Variants in UBE3A observed in about 807,000 individuals in gnomAD.
UBE3A encodes the protein ubiquitin-protein ligase E3A.
In UBE3A, 6 loss-of-function variants were observed where a neutral mutation model predicts 83.4. The observed-to-expected ratio is 0.07, with a 90% confidence interval of 0.04 to 0.14. The LOEUF is 0.14. Among genes scored for constraint, UBE3A ranks in the 10% least tolerant of loss-of-function variants. The pLI, the probability that UBE3A is intolerant of heterozygous loss-of-function variation, is 1.00. For missense variants in UBE3A, 456 were observed against 1,036.1 expected (o/e 0.44, Z 7.69); for synonymous variants, 337 against 355.4 (o/e 0.95, Z 0.58).
chr15:25,404,920 C>T (rs2088106408), intron 4 of UBE3A, among the ~76,000 whole-genome samples: 1 of 151,254 alleles, frequency 6.6e-6, no homozygotes, highest in African/African-American at 2.4e-5. Flanking sequence ...TTAGCATTTC[C>T]TGGCCACTCT....
At chr15:25,356,153 CAATA>C in intron 8 of UBE3A, 97 bp from the exon 9 acceptor site, 4 of 1,461,312 alleles carry the variant, frequency 2.7e-6, no homozygotes, top group Non-Finnish European at 3.8e-6. Context: ...AAAATCTTAT[CAATA>C]AAAATTGTAA....
rs587783099 is a variant in UBE3A at position 25,375,527 on chromosome 15, G to T, written c.299C>A (p.Ala100Asp). The change falls in exon 5 of 13, where the codon GCC becomes GAC. Residue 100 changes from alanine to aspartate, a missense_variant. This residue lies in a region of UBE3A where 36 missense variants were observed against 28.5 expected (regional missense o/e 1.26). Coordinates refer to ENST00000648336, the MANE Select transcript of UBE3A (RefSeq NM_130839.5). Reference sequence around the variant, plus strand: ...TATCTCAGAGCAGGAGTTGTTGGGGGCACCTTTCGAGTTCTCAAGGTAAGC... The same window carrying T: ...TATCTCAGAGCAGGAGTTGTTGGGGTCACCTTTCGAGTTCTCAAGGTAAGC... Reference protein sequence around the residue: ...SSAYLENSKGAPNNSCSEIKM... With the variant: ...SSAYLENSKGDPNNSCSEIKM... 1 of 1,614,138 alleles carries T rather than the reference G, an allele frequency of 6.2e-7. No individual in the cohort carries two copies. The highest frequency in any genetic ancestry group is 8.5e-7 in the Non-Finnish European group (1 of 1,180,016).
intron 1 of UBE3A, among the ~76,000 whole-genome samples, chr15:25,434,808 T>C (rs1894513544): frequency 6.6e-6 from 1 of 152,080 alleles, no homozygotes; most frequent in Non-Finnish European, 1.5e-5. Context: ...GCACTCCAAT[T>C]TCCTCTTGTA....
At chr15:25,391,681 G>T (rs1458131817) in intron 4 of UBE3A, 5 of 152,148 alleles carry the variant, frequency 3.3e-5, no homozygotes, top group Admixed American at 2.6e-4. Context: ...AATTGTAGCT[G>T]GAAGACAGTA....
At position 25,407,007 on chromosome 15, in the gene UBE3A, T is replaced by C. The variant is rs372173539; in HGVS notation, c.21-1505A>G. On this transcript the variant is annotated intron_variant, in intron 3 of 12. Coordinates refer to ENST00000648336, the MANE Select transcript of UBE3A (RefSeq NM_130839.5). ...GGCAGTGACTTGGCTGTGACACAAA[T>C]GCAAAAATTTCACTCCACCCTCTCC... is the stretch of plus-strand genomic sequence containing the variant. 9 of 1,220,056 alleles carry C rather than the reference T, an allele frequency of 7.4e-6. 2 individuals are homozygous for C. In the African/African-American group the frequency reaches 1.1e-4, roughly 15 times the overall value. 75.6% of individuals were successfully genotyped at this position (1,220,056 alleles called of 1,614,324 possible).
At chr15:25,395,958 G>A (rs1395647417) in intron 4 of UBE3A, among the ~76,000 whole-genome samples, 3 of 151,982 alleles carry the variant, frequency 2.0e-5, no homozygotes, top group African/African-American at 7.3e-5. Flanking sequence ...TAATCCCAGC[G>A]CTCTGGAAGG....
At chr15:25,368,666 C>T (rs1482919930) in intron 6 of UBE3A, among the ~76,000 whole-genome samples, 3 of 152,022 alleles carry the variant, frequency 2.0e-5, no homozygotes, top group African/African-American at 4.8e-5. Flanking sequence ...TTGCTAAAAA[C>T]AAGTTACCAT....
intron 4 of UBE3A, among the ~76,000 whole-genome samples, 160 bp from the exon 5 acceptor site, chr15:25,375,923 C>G (rs1430699303): frequency 2.0e-5 from 3 of 152,126 alleles, no homozygotes; most frequent in Non-Finnish European, 4.4e-5. Flanking sequence ...ACCACAACTC[C>G]TGACTAGTGA....
At chr15:25,385,835 A>T (rs2083023827) in intron 4 of UBE3A, among the ~76,000 whole-genome samples, 1 of 152,102 alleles carries the variant, frequency 6.6e-6, no homozygotes. Flanking sequence ...TGAAAGCTAA[A>T]AACTCCAGAG....
At chr15:25,342,559 G>A (rs1347657906) in intron 11 of UBE3A, among the ~76,000 whole-genome samples, 3 of 152,016 alleles carry the variant, frequency 2.0e-5, no homozygotes, top group Non-Finnish European at 4.4e-5. Flanking sequence ...AAGCTTCCAG[G>A]TTTCCACATA....
intron 1 of UBE3A, chr15:25,417,878 C>T (rs1376556099): frequency 6.6e-6 from 1 of 151,562 alleles, no homozygotes; most frequent in Non-Finnish European, 1.5e-5. Flanking sequence ...CAACAATCTT[C>T]CAAATTTAAG....
intron 4 of UBE3A, among the ~76,000 whole-genome samples, chr15:25,397,464 G>A (rs1362309113): frequency 1.3e-5 from 2 of 152,006 alleles, no homozygotes; most frequent in East Asian, 3.9e-4. Context: ...AAGATCTCTA[G>A]AAACCCAGAG....
At chr15:25,395,889 A>G (rs1253350888) in intron 4 of UBE3A, among the ~76,000 whole-genome samples, 1 of 152,082 alleles carries the variant, frequency 6.6e-6, no homozygotes, top group Non-Finnish European at 1.5e-5. Flanking sequence ...TGTTAGAGGT[A>G]AAGAGTAAAT....
intron 4 of UBE3A, among the ~76,000 whole-genome samples, chr15:25,376,567 TGA>T (rs1370265804): frequency 1.3e-5 from 2 of 152,030 alleles, no homozygotes; most frequent in African/African-American, 4.8e-5. Context: ...CACTTGAGCC[TGA>T]GAGTCAAGGC....
intron 1 of UBE3A, among the ~76,000 whole-genome samples, chr15:25,427,940 C>T (rs1005998587): frequency 2.6e-5 from 4 of 151,894 alleles, no homozygotes; most frequent in African/African-American, 9.7e-5. Context: ...TGCAGGAACA[C>T]GGATGGAACA....
chr15:25,423,892 T>C (rs899876573), intron 1 of UBE3A, among the ~76,000 whole-genome samples: 4 of 152,176 alleles, frequency 2.6e-5, no homozygotes, highest in Non-Finnish European at 5.9e-5. Context: ...CTATGGACTC[T>C]ATTTCAACAT....
chr15:25,437,607 G>T (rs1189208058), intron 1 of UBE3A, among the ~76,000 whole-genome samples: 1 of 151,986 alleles, frequency 6.6e-6, no homozygotes, highest in Non-Finnish European at 1.5e-5. Context: ...CAGCACCCTC[G>T]CCACTTAATA....
intron 1 of UBE3A, among the ~76,000 whole-genome samples, chr15:25,421,145 C>T (rs57720638): frequency 0.073 from 11,084 of 152,142 alleles, 813 homozygotes; most frequent in East Asian, 0.42. Flanking sequence ...TAGCTTGGTG[C>T]TCTCCTTGGG....
At chr15:25,423,113 A>G (rs1199700668) in intron 1 of UBE3A, among the ~76,000 whole-genome samples, 2 of 152,092 alleles carry the variant, frequency 1.3e-5, no homozygotes, top group African/African-American at 4.8e-5. Flanking sequence ...TCACATGACT[A>G]GATACTATAA....
Sources: allele counts gnomAD v4.1 joint callset (sites outside exome capture counted in the v4.1 genomes callset), GRCh38; gene constraint gnomAD v4.1.1; regional missense constraint gnomAD v4.1.1; transcripts MANE v1.5; gene names NCBI Gene and HGNC (gene_info 2026-07-23, HGNC 2026-07-21).